ZFAND3: variants seen among roughly 807,000 people sequenced by gnomAD.
ZFAND3 encodes AN1-type zinc finger protein 3.
A neutral mutation model predicts 29.6 loss-of-function variants in ZFAND3; 10 were observed. That is an observed-to-expected ratio of 0.34 (90% CI 0.21 to 0.57). The LOEUF (loss-of-function observed/expected upper bound fraction) is 0.57. Among genes scored for constraint, ZFAND3 ranks in the 20% least tolerant of loss-of-function variants. The probability of loss-of-function intolerance (pLI) is 0.86; values close to 1 mark genes in which losing one functional copy is unlikely to be tolerated. For missense variants in ZFAND3, 230 were observed against 304.5 expected, an observed-to-expected ratio of 0.76 and a Z score of 1.82; for synonymous variants, 128 against 112.6, an observed-to-expected ratio of 1.14 and a Z score of -0.87.
chr6:38,124,483 C>T (rs1277378823), intron 5 of ZFAND3, among the ~76,000 whole-genome samples: 4 of 152,120 alleles, frequency 2.6e-5, no homozygotes, highest in South Asian at 2.1e-4. Context: ...CCTGCCCTGC[C>T]GGGAGGCAGC....
chr6:37,895,374 G>T (rs1221518217), intron 1 of ZFAND3, among the ~76,000 whole-genome samples: 4 of 149,176 alleles, frequency 2.7e-5, no homozygotes, highest in African/African-American at 9.9e-5. Flanking sequence ...CGCTCTTGTT[G>T]CCCAGGCTGG....
intron 4 of ZFAND3, among the ~76,000 whole-genome samples, chr6:38,099,565 A>G (rs1235879701): frequency 6.6e-6 from 1 of 152,226 alleles, no homozygotes; most frequent in Non-Finnish European, 1.5e-5. Context: ...GGACAGGGGA[A>G]TTAGTTACAT....
At chr6:37,935,305 C>A (rs1482939529) in intron 2 of ZFAND3, among the ~76,000 whole-genome samples, 1 of 152,040 alleles carries the variant, frequency 6.6e-6, no homozygotes, top group African/African-American at 2.4e-5. Flanking sequence ...TCTCTTATGG[C>A]CTAATTTTGG....
intron 2 of ZFAND3, among the ~76,000 whole-genome samples, chr6:38,045,054 T>TTTATTTA (rs1763869687): frequency 7.0e-4 from 94 of 134,738 alleles, no homozygotes; most frequent in African/African-American, 1.6e-3. Context: ...GTGGAAATTC[T>TTTATTTA]TTTATTTATT....
At chr6:37,976,389 C>T (rs1163975630) in intron 2 of ZFAND3, among the ~76,000 whole-genome samples, 4 of 151,966 alleles carry the variant, frequency 2.6e-5, no homozygotes, top group Non-Finnish European at 5.9e-5. Context: ...TGAGACCAGA[C>T]TGACCAACAT....
Position 38,154,375 on chromosome 6 carries a change from G to GGGGGGGT in ZFAND3, c.*1998_*2004dup, listed in dbSNP as rs1554122358. ...ATGTTCGCTTCCTGACTTAGAGCTG[G>GGGGGGGT]GGGGGGTGGGGGGTGGGGCTTGTTC... is the stretch of plus-strand genomic sequence containing the variant. On this transcript the variant is annotated 3_prime_UTR_variant, in exon 6 of 6. Transcript: ENST00000287218. 1.2e-6 allele frequency: 1 copy of GGGGGGGT among 833,254 alleles called. No individual in the cohort carries two copies. The allele number at this position is 833,254 out of a possible 1,614,324, so 51.6% of individuals were successfully genotyped here. A position where few individuals can be genotyped will look rare whatever the true frequency, so the allele number is the denominator to read the frequency against.
At chr6:37,866,351 T>C (rs1023548429) in intron 1 of ZFAND3, among the ~76,000 whole-genome samples, 1 of 152,214 alleles carries the variant, frequency 6.6e-6, no homozygotes, top group Middle Eastern at 3.2e-3. Flanking sequence ...TTGGTCTATA[T>C]ATAGTTTGCC....
At chr6:38,117,249 A>G (rs1266172492) in intron 5 of ZFAND3, among the ~76,000 whole-genome samples, 1 of 148,026 alleles carries the variant, frequency 6.8e-6, no homozygotes, top group Non-Finnish European at 1.5e-5. Context: ...TAATACCTTG[A>G]AATAGCCTTT....
At chr6:37,997,119 C>T (rs1762864137) in intron 2 of ZFAND3, among the ~76,000 whole-genome samples, 1 of 152,038 alleles carries the variant, frequency 6.6e-6, no homozygotes, top group Non-Finnish European at 1.5e-5. Flanking sequence ...TGTTATATTC[C>T]TTGTAAAGTC....
chr6:37,869,513 A>ATTTTTT (rs543408260), intron 1 of ZFAND3, among the ~76,000 whole-genome samples: 1 of 141,320 alleles, frequency 7.1e-6, no homozygotes, highest in Non-Finnish European at 1.6e-5. Flanking sequence ...AAGTTTGTTA[A>ATTTTTT]TTTTTTTTTT....
At chr6:38,030,819 A>G (rs751854626) in intron 2 of ZFAND3, among the ~76,000 whole-genome samples, 2 of 152,210 alleles carry the variant, frequency 1.3e-5, no homozygotes, top group Non-Finnish European at 2.9e-5. Context: ...GATGCCAGAC[A>G]AAGTGGTAGA....
At chr6:37,841,277 TATC>T (rs1320085628) in intron 1 of ZFAND3, among the ~76,000 whole-genome samples, 1 of 152,228 alleles carries the variant, frequency 6.6e-6, no homozygotes, top group Non-Finnish European at 1.5e-5. Flanking sequence ...CATAACATTT[TATC>T]ATGAGAAATC....
chr6:37,828,656 C>T (rs1581691561), intron 1 of ZFAND3, among the ~76,000 whole-genome samples: 1 of 149,456 alleles, frequency 6.7e-6, no homozygotes, highest in South Asian at 2.1e-4. Context: ...ATTTTCTTTT[C>T]TTTTTTTTTT....
At chr6:37,981,541 G>A (rs1253246130) in intron 2 of ZFAND3, among the ~76,000 whole-genome samples, 1 of 152,148 alleles carries the variant, frequency 6.6e-6, no homozygotes, top group African/African-American at 2.4e-5. Flanking sequence ...CATTGTTACT[G>A]TGGGAGGATC....
chr6:37,821,980 C>T (rs1256808146), intron 1 of ZFAND3, among the ~76,000 whole-genome samples: 2 of 152,204 alleles, frequency 1.3e-5, no homozygotes, highest in African/African-American at 4.8e-5. Context: ...ACTGCAGGTG[C>T]ACACCACTAT....
intron 2 of ZFAND3, among the ~76,000 whole-genome samples, chr6:38,006,140 C>T (rs185099331): frequency 2.6e-5 from 4 of 152,256 alleles, no homozygotes; most frequent in African/African-American, 9.6e-5. Context: ...TATCATGCCC[C>T]AGAAAAAGGT....
intron 2 of ZFAND3, among the ~76,000 whole-genome samples, chr6:38,017,092 C>T (rs1378146133): frequency 6.6e-6 from 1 of 152,152 alleles, no homozygotes; most frequent in Non-Finnish European, 1.5e-5. Flanking sequence ...AAAGTTCTCC[C>T]CAGTGAAAGC....
intron 4 of ZFAND3, among the ~76,000 whole-genome samples, chr6:38,108,301 A>G (rs75362474): frequency 1.3e-5 from 2 of 152,172 alleles, no homozygotes; most frequent in Admixed American, 1.3e-4. Flanking sequence ...GGACAGAACC[A>G]ATAGGATATA....
At chr6:38,067,268 A>G (rs2842508) in intron 3 of ZFAND3, among the ~76,000 whole-genome samples, 148,670 of 152,346 alleles carry the variant, frequency 0.98, 72,662 homozygotes, top group East Asian at 1. Context: ...GTGCATCTAA[A>G]TGGACCCACA....
Sources: allele counts gnomAD v4.1 joint callset (sites outside exome capture counted in the v4.1 genomes callset), GRCh38; gene constraint gnomAD v4.1.1; transcripts MANE v1.5; gene names NCBI Gene and HGNC (gene_info 2026-07-23, HGNC 2026-07-21).